The following FAF1 variants were observed in gnomAD, a reference collection of about 807,000 sequenced individuals.
FAF1 encodes the protein FAS-associated factor 1.
Under a neutral mutation model 92.5 loss-of-function variants are expected in FAF1, and 25 were observed. That is an observed-to-expected ratio of 0.27 (90% confidence interval 0.20 to 0.38). FAF1 has a LOEUF of 0.38. Ranked by LOEUF, FAF1 falls within the 10% of genes least tolerant of loss-of-function variation. The pLI is 1.00. For synonymous variants in FAF1, 234 were observed against 273.2 expected (o/e 0.86, Z 1.42); for missense variants, 636 against 793.3 (o/e 0.80, Z 2.38).
chr1:50,700,152 T>G (rs369024705), intron 7 of FAF1, among the ~76,000 whole-genome samples: 8 of 140,484 alleles, frequency 5.7e-5, no homozygotes, highest in African/African-American at 2.3e-4. Flanking sequence ...CATACCCCCC[T>G]TTTTTTTTTT....
At chr1:50,591,674 GAAA>G (rs35426054) in intron 9 of FAF1, among the ~76,000 whole-genome samples, 1,536 of 93,658 alleles carry the variant, frequency 0.016, 22 homozygotes, top group African/African-American at 0.056. Flanking sequence ...CTCCATCTCA[GAAA>G]AAAAAAAAAA....
intron 1 of FAF1, among the ~76,000 whole-genome samples, chr1:50,952,615 GA>G (rs202217491): frequency 0.013 from 1,961 of 151,954 alleles, 42 homozygotes; most frequent in African/African-American, 0.043. Flanking sequence ...CCCAGTCTGG[GA>G]AGTGAGGAGC....
intron 7 of FAF1, among the ~76,000 whole-genome samples, chr1:50,666,776 G>A (rs1386366848): frequency 6.6e-6 from 1 of 151,978 alleles, no homozygotes; most frequent in African/African-American, 2.4e-5. Flanking sequence ...CCAGCTACTC[G>A]GGAGGCTGAG....
intron 15 of FAF1, among the ~76,000 whole-genome samples, chr1:50,506,345 T>C (rs1035845417): frequency 1.3e-5 from 2 of 152,194 alleles, no homozygotes; most frequent in African/African-American, 2.4e-5. Context: ...TACTCTACGC[T>C]TGACCCAAAC....
intron 4 of FAF1, among the ~76,000 whole-genome samples, chr1:50,766,649 C>T (rs1660581166): frequency 1.3e-5 from 2 of 152,072 alleles, no homozygotes; most frequent in South Asian, 4.1e-4. Flanking sequence ...CAGCACAGGG[C>T]TACCGTGCAC....
At chr1:50,796,711 G>C (rs190656055) in intron 3 of FAF1, among the ~76,000 whole-genome samples, 9 of 152,178 alleles carry the variant, frequency 5.9e-5, no homozygotes, top group African/African-American at 2.2e-4. Context: ...CCCATACCTG[G>C]ACTTGGTGGT....
In FAF1 at chr1:50,584,698, T is replaced by C. The variant is rs1484209123; in HGVS notation, c.954A>G (p.Arg318=). 6.2e-7 allele frequency: 1 copy of C among 1,613,340 alleles called. No individual in the cohort carries two copies. Among genetic ancestry groups the C allele is most frequent in the Non-Finnish European group, 8.5e-7 (1 of 1,179,588 alleles). The part of the protein sequence containing the change: ...EVFGMASSAL[R]KSPMMPENAE... ...ATTAATACTCACTCATTGGAGATTT[T>C]CTCAAGGCAGATGACGCCATGCCAA... Residue 318 remains arginine (R), a synonymous_variant, in exon 10 of 19, where the codon AGA becomes AGG. Coordinates refer to ENST00000396153, the MANE Select transcript of FAF1 (RefSeq NM_007051.3).
intron 1 of FAF1, among the ~76,000 whole-genome samples, chr1:50,924,528 A>C (rs911697413): frequency 1.3e-5 from 2 of 152,226 alleles, no homozygotes; most frequent in Non-Finnish European, 2.9e-5. Flanking sequence ...ATAAAATACC[A>C]AGGACATTCT....
At chr1:50,503,223 G>A (rs1218078349) in intron 15 of FAF1, among the ~76,000 whole-genome samples, 1 of 152,116 alleles carries the variant, frequency 6.6e-6, no homozygotes, top group Non-Finnish European at 1.5e-5. Flanking sequence ...TTGCTAAATG[G>A]TAGTTGTGCA....
At chr1:50,877,629 T>C (rs867614504) in intron 1 of FAF1, among the ~76,000 whole-genome samples, 1 of 152,082 alleles carries the variant, frequency 6.6e-6, no homozygotes, top group Non-Finnish European at 1.5e-5. Context: ...ACATATGTAA[T>C]ATATGTATGT....
chr1:50,497,886 C>A (rs1323626030), intron 15 of FAF1, among the ~76,000 whole-genome samples: 1 of 151,980 alleles, frequency 6.6e-6, no homozygotes, highest in Admixed American at 6.6e-5. Flanking sequence ...TATCTCAATG[C>A]CATTTTTTAC....
At chr1:50,815,785 A>G (rs1337072613) in intron 2 of FAF1, among the ~76,000 whole-genome samples, 1 of 152,050 alleles carries the variant, frequency 6.6e-6, no homozygotes, top group Non-Finnish European at 1.5e-5. Context: ...GCACTTTGGG[A>G]GGCCGAGACG....
Position 50,865,233 on chromosome 1 carries a change from G to C in FAF1, c.46-7236C>G, listed in dbSNP as rs200607198. Among the ~76,000 whole-genome samples the C allele has an allele frequency of 5.9e-5, 9 of 152,272 alleles. No individual in the cohort carries two copies. The East Asian group carries it at 1.4e-3, about 23-fold the overall frequency. On this transcript the variant is annotated intron_variant, in intron 1 of 18. Transcript: ENST00000396153. ...GGAGAAATAGGAACACTTTTACACT[G>C]TTGGTGGGACTGTAAACTAGTTCAA...
At chr1:50,609,914 AC>A (rs1238321033) in intron 8 of FAF1, among the ~76,000 whole-genome samples, 1 of 152,024 alleles carries the variant, frequency 6.6e-6, no homozygotes, top group East Asian at 1.9e-4. Context: ...ACTCCCCCAC[AC>A]CCCCACAGTT....
At chr1:50,468,686 C>T (rs148743632) in intron 18 of FAF1, among the ~76,000 whole-genome samples, 1,992 of 152,168 alleles carry the variant, frequency 0.013, 40 homozygotes, top group African/African-American at 0.044. Flanking sequence ...GTGTTGAACT[C>T]CTGACCTCGT....
chr1:50,892,419 C>T (rs1644727485), intron 1 of FAF1, among the ~76,000 whole-genome samples: 1 of 152,184 alleles, frequency 6.6e-6, no homozygotes, highest in Admixed American at 6.5e-5. Context: ...CAGAAATCAC[C>T]CATCTTCTGT....
intron 8 of FAF1, among the ~76,000 whole-genome samples, chr1:50,613,090 T>C (rs1652753531): frequency 1.3e-5 from 2 of 152,210 alleles, no homozygotes; most frequent in African/African-American, 4.8e-5. Context: ...TTTTCCTACT[T>C]TCCTTGCCAA....
intron 13 of FAF1, among the ~76,000 whole-genome samples, chr1:50,553,439 TAGAC>T (rs1649406950): frequency 6.6e-6 from 1 of 152,302 alleles, no homozygotes; most frequent in African/African-American, 2.4e-5. Context: ...TGAAGGTCAA[TAGAC>T]AGAATCTGAA....
At chr1:50,695,969 T>TA (rs34908196) in intron 7 of FAF1, among the ~76,000 whole-genome samples, 1 of 147,144 alleles carries the variant, frequency 6.8e-6, no homozygotes, top group Non-Finnish European at 1.5e-5. Context: ...TTTTTTTTTT[T>TA]AACTACTTGG....
Sources: allele counts gnomAD v4.1 joint callset (sites outside exome capture counted in the v4.1 genomes callset), GRCh38; gene constraint gnomAD v4.1.1; transcripts MANE v1.5; gene names NCBI Gene and HGNC (gene_info 2026-07-23, HGNC 2026-07-21).